The following AGK variants were observed in gnomAD, a reference collection of about 807,000 sequenced individuals.
The protein encoded by AGK is acylglycerol kinase, mitochondrial.
Under a neutral mutation model 66.4 loss-of-function variants are expected in AGK, and 52 were observed. The ratio of observed to expected loss-of-function variants is 0.78; its 90% CI spans 0.63 to 0.99. The LOEUF (loss-of-function observed/expected upper bound fraction) is 0.99. AGK is among the 50% of genes least tolerant of loss of function. The pLI is 0.00. For missense variants in AGK, 451 were observed against 506.6 expected, an observed-to-expected ratio of 0.89 and a Z score of 1.05; for synonymous variants, 182 against 181.1, an observed-to-expected ratio of 1.00 and a Z score of -0.04.
intron 10 of AGK, 141 bp downstream of exon 10, chr7:141,634,121 T>C: frequency 6.9e-6 from 5 of 726,874 alleles, no homozygotes; most frequent in Non-Finnish European, 1.2e-5. Context: ...ATAATGGAGG[T>C]AGGAACAATC....
At chr7:141,571,896 C>T (rs771049765) in intron 2 of AGK, among the ~76,000 whole-genome samples, 2 of 152,118 alleles carry the variant, frequency 1.3e-5, no homozygotes, top group African/African-American at 4.8e-5. Context: ...TTCTTTTCTT[C>T]TTCTTTAGTC....
chr7:141,621,947 G>T, intron 9 of AGK, 146 bp downstream of exon 9: 1 of 602,678 alleles, frequency 1.7e-6, no homozygotes, highest in African/African-American at 1.9e-5. Context: ...AGTCCCCAGA[G>T]GAAATAATTT....
At position 141,576,327 on chromosome 7, in the gene AGK, C is replaced by T. The variant is rs544261491; in HGVS notation, c.102-16819C>T. 8.5e-5 allele frequency among the ~76,000 whole-genome samples: 13 copies of T among 152,144 alleles called. No homozygotes were observed. The South Asian group carries it at 2.7e-3, about 32-fold the overall frequency. ...GGAGAAGGGATTCTTATTCCTGATG[C>T]AGGTAGCCCCTACTGCTGTGTCATT... is the stretch of plus-strand genomic sequence containing the variant. On this transcript the variant is annotated intron_variant, in intron 2 of 15. Transcript: ENST00000649286.
chr7:141,627,283 CTT>C (rs1334828218), intron 9 of AGK, among the ~76,000 whole-genome samples: 1 of 151,704 alleles, frequency 6.6e-6, no homozygotes, highest in Admixed American at 6.6e-5. Context: ...CATCTAAACT[CTT>C]ATTTTTTTTT....
intron 8 of AGK, among the ~76,000 whole-genome samples, chr7:141,616,566 T>C (rs1356042358): frequency 6.6e-6 from 1 of 152,114 alleles, no homozygotes; most frequent in East Asian, 1.9e-4. Flanking sequence ...AATTCTATAT[T>C]TTAATAAGCA....
At chr7:141,603,612 C>A (rs1216237927) in intron 5 of AGK, among the ~76,000 whole-genome samples, 1 of 152,112 alleles carries the variant, frequency 6.6e-6, no homozygotes, top group Non-Finnish European at 1.5e-5. Flanking sequence ...TTAATTCATT[C>A]CAACATTCTA....
intron 2 of AGK, among the ~76,000 whole-genome samples, chr7:141,569,300 C>T (rs1430031180): frequency 2.6e-5 from 4 of 152,094 alleles, no homozygotes; most frequent in African/African-American, 9.7e-5. Context: ...CTTTGGGAGG[C>T]CGAGGCGGGC....
intron 9 of AGK, among the ~76,000 whole-genome samples, chr7:141,630,689 A>G (rs1298728150): frequency 6.6e-6 from 1 of 152,162 alleles, no homozygotes; most frequent in Non-Finnish European, 1.5e-5. Context: ...AAAACTTACC[A>G]CACTATTATA....
At chr7:141,599,639 A>G (rs978926992) in intron 4 of AGK, among the ~76,000 whole-genome samples, 1 of 152,160 alleles carries the variant, frequency 6.6e-6, no homozygotes, top group Non-Finnish European at 1.5e-5. Flanking sequence ...TAGGAAATAG[A>G]TCTGATCCAC....
intron 8 of AGK, among the ~76,000 whole-genome samples, chr7:141,619,598 C>G (rs1040628565): frequency 6.6e-6 from 1 of 151,568 alleles, no homozygotes; most frequent in Admixed American, 6.6e-5. Flanking sequence ...AGAAGAAAAT[C>G]TTTAGTCATT....
chr7:141,565,358 T>A (rs867399439), intron 2 of AGK, among the ~76,000 whole-genome samples: 4 of 152,238 alleles, frequency 2.6e-5, no homozygotes, highest in South Asian at 4.1e-4. Flanking sequence ...TCCATCTAAT[T>A]TCCCAAACTA....
chr7:141,625,264 G>A (rs955285406), intron 9 of AGK, among the ~76,000 whole-genome samples: 49 of 152,106 alleles, frequency 3.2e-4, no homozygotes, highest in African/African-American at 1.4e-4. Flanking sequence ...GTCAGGAACC[G>A]AACCTGCAAC....
intron 9 of AGK, among the ~76,000 whole-genome samples, chr7:141,623,187 C>G (rs1182614140): frequency 1.3e-5 from 2 of 151,940 alleles, no homozygotes; most frequent in East Asian, 3.9e-4. Context: ...TGAGACCGGC[C>G]TGACCAACAT....
chr7:141,600,573 T>C (rs1383307190), intron 4 of AGK, among the ~76,000 whole-genome samples: 1 of 152,216 alleles, frequency 6.6e-6, no homozygotes, highest in African/African-American at 2.4e-5. Context: ...TACTTTCTAA[T>C]TGTGCCATAC....
chr7:141,562,144 T>C (rs1795364164), intron 2 of AGK: 3 of 454,946 alleles, frequency 6.6e-6, no homozygotes, highest in African/African-American at 2.0e-5. Context: ...ATGCTGGTTA[T>C]GCAAGCGGTG....
At chr7:141,609,603 CA>C (rs1261713878) in intron 5 of AGK, among the ~76,000 whole-genome samples, 1 of 152,200 alleles carries the variant, frequency 6.6e-6, no homozygotes, top group Admixed American at 6.5e-5. Flanking sequence ...AAGCTCCTCA[CA>C]CTCCATTGCT....
rs142422715 is a variant in AGK at position 141,559,093 on chromosome 7, C to T, written c.101+3526C>T. On this transcript the variant is annotated intron_variant, in intron 2 of 15. Transcript: ENST00000649286. ...GGCCTTTTTACACTATTGATCATGT[C>T]CTTTGATATATATTGTTTTTAGTTT... Among the ~76,000 whole-genome samples the T allele has an allele frequency of 5.1e-4, 77 of 152,098 alleles. 1 individual carries two copies. The East Asian group carries it at 0.012, about 24-fold the overall frequency.
rs1370292454 is a variant in AGK at position 141,654,337 on chromosome 7, C to A, written c.*1413C>A. On this transcript the variant is annotated 3_prime_UTR_variant, in exon 16 of 16. Transcript: ENST00000649286. The stretch of plus-strand genomic sequence containing the variant: ...GATTTACAGCTGAGATGGGGTTCAA[C>A]CTCAGCTGTATTCCTTGTTTCTGTA... 2 of 152,172 alleles carry A rather than the reference C, an allele frequency of 1.3e-5. No homozygotes were observed. The highest frequency in any genetic ancestry group is 2.9e-5 in the Non-Finnish European group (2 of 68,030). 9.4% of individuals were successfully genotyped at this position (152,172 alleles called of 1,614,324 possible).
chr7:141,626,390 A>G (rs1349620120), intron 9 of AGK, among the ~76,000 whole-genome samples: 2 of 152,254 alleles, frequency 1.3e-5, no homozygotes, highest in Admixed American at 6.5e-5. Flanking sequence ...AGAGATCATC[A>G]GTGAATACTA....
Sources: gnomAD v4.1 joint callset for allele counts (sites outside exome capture counted in the v4.1 genomes callset) on GRCh38, gnomAD v4.1.1 for gene constraint, MANE v1.5 for transcripts, NCBI Gene and HGNC (gene_info 2026-07-23, HGNC 2026-07-21) for gene names.